VWF: variants seen among roughly 807,000 people sequenced by gnomAD.
VWF encodes the protein von Willebrand factor.
In VWF, 176 loss-of-function variants were observed where a neutral mutation model predicts 308.6. That is an observed-to-expected ratio of 0.57 (90% CI 0.50 to 0.65). The LOEUF is 0.65. Ranked by LOEUF, VWF falls within the 30% of genes least tolerant of loss-of-function variation. The probability of loss-of-function intolerance (pLI) is 0.00; values close to 1 mark genes in which losing one functional copy is unlikely to be tolerated. For synonymous variants in VWF, 1,385 were observed against 1,443.4 expected, an observed-to-expected ratio of 0.96 and a Z score of 0.92; for missense variants, 3,146 against 3,648.2, an observed-to-expected ratio of 0.86 and a Z score of 3.55.
chr12:6,016,754 C>A lies in VWF; in HGVS notation c.5170G>T (p.Gly1724Trp), dbSNP rs946833577. 1.2e-6 allele frequency: 2 copies of A among 1,614,108 alleles called. No homozygotes were observed. Among genetic ancestry groups the A allele is most frequent in the Non-Finnish European group, 1.7e-6 (2 of 1,180,052 alleles). ...AKAFISKANIGPRLTQVSVLQ... is the reference protein window; with the variant it reads ...AKAFISKANIWPRLTQVSVLQ... ...TGCTTCAGGTGCCTCGCTCACCCAC[C>A]TATATTGGCTTTTGAAATGAAAGCC... The change falls in exon 29 of 52, where the codon GGG (glycine) becomes TGG (tryptophan). Residue 1724 changes from glycine to tryptophan, a missense_variant and splice_region_variant. Coordinates refer to ENST00000261405, the MANE Select transcript of VWF (RefSeq NM_000552.5).
intron 34 of VWF, 50 bp from the exon 35 acceptor site, chr12:5,996,272 G>A: frequency 6.5e-7 from 1 of 1,539,122 alleles, no homozygotes; most frequent in Non-Finnish European, 8.9e-7. Context: ...AAACCCCCAT[G>A]CCTACTACAT....
chr12:6,099,464 T>C (rs974284181), intron 5 of VWF, among the ~76,000 whole-genome samples: 30 of 152,198 alleles, frequency 2.0e-4, no homozygotes, highest in Non-Finnish European at 3.8e-4. Context: ...TTTATACTTC[T>C]TATAAGATTT....
Position 6,025,671 on chromosome 12 carries a change from G to A in VWF, c.3131C>T (p.Ala1044Val), listed in dbSNP as rs1007459436. ...TRKVPLDSSP[A>V]TCHNNIMKQT... The stretch of plus-strand genomic sequence containing the variant: ...CTTCATGATGTTGTTATGGCAGGTG[G>A]CAGGGGATGAGTCCAGAGGCACCTG... Residue 1044 changes from alanine to valine, a missense_variant, in exon 24 of 52, where the codon GCC becomes GTC. By Grantham distance (64) the Ala-to-Val change is moderately conservative (BLOSUM62 0). Around this residue, in one of 3 missense-constraint regions of VWF, gnomAD observed 853 missense variants for 1,177.8 expected, o/e 0.72. Transcript: ENST00000261405. 5.2e-6 allele frequency: 8 copies of A among 1,550,988 alleles called. No individual in the cohort carries two copies. The highest frequency in any genetic ancestry group is 1.9e-4 in the Middle Eastern group (1 of 5,214).
At chr12:6,088,519 C>G (rs976066251) in intron 6 of VWF, among the ~76,000 whole-genome samples, 3 of 151,288 alleles carry the variant, frequency 2.0e-5, no homozygotes, top group African/African-American at 7.3e-5. Context: ...GAAAGGGGTG[C>G]CTTTTTCTAA....
intron 3 of VWF, among the ~76,000 whole-genome samples, chr12:6,120,422 C>G (rs549058374): frequency 1.9e-4 from 29 of 152,100 alleles, no homozygotes; most frequent in Admixed American, 1.3e-3. Context: ...CCTGCCTCAG[C>G]CTCCCAAGTA....
chr12:6,025,655 G>A lies in VWF; in HGVS notation c.3147C>T (p.Asn1049=). ...LDSSPATCHN[N]IMKQTMVDSS... ...AATCCACCATCGTCTGCTTCATGAT[G>A]TTGTTATGGCAGGTGGCAGGGGATG... The change falls in exon 24 of 52, where the codon AAC becomes AAT. Residue 1049 remains asparagine (N), a synonymous_variant. Coordinates refer to ENST00000261405, the MANE Select transcript of VWF (RefSeq NM_000552.5). 1 of 1,577,594 alleles carries A rather than the reference G, an allele frequency of 6.3e-7. No individual in the cohort carries two copies. Among genetic ancestry groups the A allele is most frequent in the Non-Finnish European group, 8.7e-7 (1 of 1,149,370 alleles).
At position 6,018,434 on chromosome 12, in the gene VWF, G is replaced by A. The variant is rs1223530959; in HGVS notation, c.4984C>T (p.Pro1662Ser). The A allele has an allele frequency of 6.8e-6, 11 of 1,613,198 alleles. No homozygotes were observed. The highest frequency in any genetic ancestry group is 2.2e-5 in the South Asian group (2 of 91,032). Residue 1662 changes from proline to serine, a missense_variant, in exon 28 of 52, where the codon CCT becomes TCT. Physicochemically the swap from Pro to Ser is moderately conservative, Grantham distance 74 (BLOSUM62 -1). This residue lies in a region of VWF where 853 missense variants were observed against 1,177.8 expected (regional missense o/e 0.72). Transcript: ENST00000261405. ...QDFETLPREAPDLVLQRCCSG... is the reference protein window; with the variant it reads ...QDFETLPREASDLVLQRCCSG... ...CAGCACCTCTGCAGCACCAGGTCAG[G>A]AGCCTCTCGGGGGAGCGTCTCAAAG...
rs751394243 is a variant in VWF, at chr12:6,019,235, G to A, written c.4183C>T (p.Arg1395Trp). The A allele has an allele frequency of 1.2e-5, 20 of 1,613,782 alleles. No individual in the cohort carries two copies. Among genetic ancestry groups the A allele is most frequent in the East Asian group, 1.1e-4 (5 of 44,894 alleles). The change falls in exon 28 of 52, where the codon CGG becomes TGG. Residue 1395 changes from arginine to tryptophan, a missense_variant. This residue lies in a region of VWF where 853 missense variants were observed against 1,177.8 expected (regional missense o/e 0.72). Coordinates refer to ENST00000261405, the MANE Select transcript of VWF (RefSeq NM_000552.5). This position sits in a 1 kb window ranked among gnomAD's most constrained non-coding sequence, Gnocchi z 5.8. Reference sequence around the variant, plus strand: ...CCCTGGACGTAGCGGACAAAGTTCCGGGACATCCGTTGGGGCTCCTGGCTG... The same window carrying A: ...CCCTGGACGTAGCGGACAAAGTTCCAGGACATCCGTTGGGGCTCCTGGCTG... ...MASQEPQRMS[R>W]NFVRYVQGLK... is the part of the protein sequence containing the mutation.
chr12:6,035,845 A>C (rs192861216), intron 19 of VWF, among the ~76,000 whole-genome samples: 47 of 152,314 alleles, frequency 3.1e-4, no homozygotes, highest in Admixed American at 1.3e-3. Context: ...CTGAAACCCA[A>C]AACTTTGAGC....
intron 16 of VWF, among the ~76,000 whole-genome samples, chr12:6,047,408 C>T (rs1372316903): frequency 6.6e-6 from 1 of 152,226 alleles, no homozygotes; most frequent in Non-Finnish European, 1.5e-5. Context: ...AGCCAATTCT[C>T]CTCCAGGGCT....
In VWF at chr12:6,063,769, A is replaced by G. The variant is rs1480145929; in HGVS notation, c.1432+477T>C. 6.6e-6 allele frequency among the ~76,000 whole-genome samples: 1 copy of G among 152,144 alleles called. No homozygotes were observed. Among genetic ancestry groups the G allele is most frequent in the Non-Finnish European group, 1.5e-5 (1 of 68,030 alleles). On this transcript the variant is annotated intron_variant, in intron 12 of 51. Coordinates refer to ENST00000261405, the MANE Select transcript of VWF (RefSeq NM_000552.5). The surrounding 1 kb of genome is among the most constrained non-coding windows in gnomAD (Gnocchi z 4.9). ...GGCACAGTGCAACCCAGGTGAAGATACTGGACAGGTAGGTTTTTTGCTACC... is the reference window on the plus strand; with the variant it reads ...GGCACAGTGCAACCCAGGTGAAGATGCTGGACAGGTAGGTTTTTTGCTACC...
intron 16 of VWF, among the ~76,000 whole-genome samples, chr12:6,050,508 G>A (rs1944496427): frequency 6.6e-6 from 1 of 152,134 alleles, no homozygotes. Flanking sequence ...CAGCATCAGT[G>A]CTCACCCCCT....
intron 50 of VWF, 23 bp downstream of exon 50, chr12:5,951,821 C>A (rs1565806582): frequency 6.2e-7 from 1 of 1,614,076 alleles, no homozygotes; most frequent in Non-Finnish European, 8.5e-7. Flanking sequence ...TTTCAAGGGA[C>A]AAGATATTAG....
Position 5,985,646 on chromosome 12 carries a change from G to A in VWF, c.6818C>T (p.Pro2273Leu), listed in dbSNP as rs761386093. 24 of 1,613,950 alleles carry A rather than the reference G, an allele frequency of 1.5e-5. No individual in the cohort carries two copies. Among genetic ancestry groups the A allele is most frequent in the Admixed American group, 3.3e-5 (2 of 60,004 alleles). ...VQHQFLEAWV[P>L]DHQPCQICTC... is the part of the protein sequence containing the mutation. The stretch of plus-strand genomic sequence containing the variant: ...GCAGATCTGACAGGGCTGGTGGTCC[G>A]GGACCCAGGCTTCCAGGAACTGAGG... Residue 2273 changes from proline to leucine, a missense_variant, in exon 39 of 52, where the codon CCG becomes CTG. By Grantham distance (98) the Pro-to-Leu change is moderately conservative. Around this residue, in one of 3 missense-constraint regions of VWF, gnomAD observed 989 missense variants for 1,117.4 expected, o/e 0.89. Coordinates refer to ENST00000261405, the MANE Select transcript of VWF (RefSeq NM_000552.5).
At chr12:6,006,315 AAAG>A (rs1263777741) in intron 34 of VWF, among the ~76,000 whole-genome samples, 2 of 152,228 alleles carry the variant, frequency 1.3e-5, no homozygotes, top group African/African-American at 4.8e-5. Flanking sequence ...AATGAAACAC[AAAG>A]AAGGGCAGTA....
intron 20 of VWF, among the ~76,000 whole-genome samples, chr12:6,033,621 T>C (rs1408797445): frequency 1.3e-5 from 2 of 152,256 alleles, no homozygotes; most frequent in East Asian, 1.9e-4. Flanking sequence ...CCCCGGATCA[T>C]AGGTTCCCTG....
At chr12:6,028,790 C>A (rs1365976076) in intron 22 of VWF, among the ~76,000 whole-genome samples, 1 of 152,164 alleles carries the variant, frequency 6.6e-6, no homozygotes, top group Non-Finnish European at 1.5e-5. Flanking sequence ...CAACCAGTAC[C>A]AGCCACTGCA....
In VWF at chr12:5,990,244, G is replaced by A. The variant is rs1483651344; in HGVS notation, c.6798+1575C>T. The stretch of plus-strand genomic sequence containing the variant: ...GCCCAGAGTTCAGCTCACAGTTCCA[G>A]TGAGGTCAATGGCAGGGCTAGGACA... On this transcript the variant is annotated intron_variant, in intron 38 of 51. Transcript: ENST00000261405. 2.0e-5 allele frequency among the ~76,000 whole-genome samples: 3 copies of A among 152,214 alleles called. No homozygotes were observed. The East Asian group carries it at 5.8e-4, about 29-fold the overall frequency.
intron 51 of VWF, among the ~76,000 whole-genome samples, chr12:5,949,551 C>T (rs1943155068): frequency 6.6e-6 from 1 of 152,106 alleles, no homozygotes; most frequent in Non-Finnish European, 1.5e-5. Context: ...ATAAATAACT[C>T]TCCATTTTCT....
Sources: allele counts gnomAD v4.1 joint callset (sites outside exome capture counted in the v4.1 genomes callset), GRCh38; gene constraint gnomAD v4.1.1; regional missense constraint gnomAD v4.1.1; non-coding constraint Gnocchi (gnomAD v3.1); transcripts MANE v1.5; gene names NCBI Gene and HGNC (gene_info 2026-07-23, HGNC 2026-07-21).